The following EYS variants were observed in gnomAD, a reference collection of about 807,000 sequenced individuals.
EYS encodes the protein protein eyes shut homolog.
EYS carries 250 observed loss-of-function variants against 282.1 expected under a neutral mutation model. That is an observed-to-expected ratio of 0.89 (90% CI 0.80 to 0.98). EYS has a LOEUF of 0.98. Among genes scored for constraint, EYS ranks in the 50% least tolerant of loss-of-function variants. The pLI, the probability that EYS is intolerant of heterozygous loss-of-function variation, is 0.00. For synonymous variants in EYS, 1,355 were observed against 1,282.9 expected (o/e 1.06, Z -1.20); for missense variants, 4,016 against 3,709.0 (o/e 1.08, Z -2.15).
In EYS at chr6:65,575,796, GAAAC is replaced by G. The variant is rs1441386018; in HGVS notation, c.-333+63978_-333+63981del. Among the ~76,000 whole-genome samples, 25 of 152,086 alleles carry G rather than the reference GAAAC, an allele frequency of 1.6e-4. No individual in the cohort carries two copies. The South Asian group carries it at 2.1e-3, about 13-fold the overall frequency. ...ATAACACAGAAATATAAAGGATCTT[GAAAC>G]CACTTTAAACAATTATACACCAACA... On this transcript the variant is annotated intron_variant, in intron 2 of 42. Coordinates refer to ENST00000503581, the MANE Select transcript of EYS (RefSeq NM_001142800.2).
chr6:64,055,566 CCTT>C (rs1462251830), intron 33 of EYS, among the ~76,000 whole-genome samples: 8 of 152,018 alleles, frequency 5.3e-5, no homozygotes, highest in Non-Finnish European at 1.2e-4. Flanking sequence ...TATAAAGATT[CCTT>C]CTTTTGTTCT....
At chr6:64,878,231 A>G (rs577480917) in intron 19 of EYS, among the ~76,000 whole-genome samples, 18 of 152,258 alleles carry the variant, frequency 1.2e-4, no homozygotes, top group African/African-American at 4.1e-4. Flanking sequence ...ATCGGAAAAA[A>G]GAAAATATGA....
At chr6:64,025,183 G>T (rs1045657785) in intron 33 of EYS, among the ~76,000 whole-genome samples, 1 of 152,150 alleles carries the variant, frequency 6.6e-6, no homozygotes, top group Non-Finnish European at 1.5e-5. Flanking sequence ...AAAGACACGG[G>T]TGCCAGGCTT....
intron 33 of EYS, among the ~76,000 whole-genome samples, chr6:64,062,181 T>C (rs1344566347): frequency 3.9e-5 from 6 of 152,028 alleles, no homozygotes; most frequent in Admixed American, 2.0e-4. Flanking sequence ...AATTCTAAAT[T>C]TTGCCCAGTT....
At position 63,762,639 on chromosome 6, in the gene EYS, G is replaced by A. The variant is rs1769675063; in HGVS notation, c.7899-6C>T. 1.9e-6 allele frequency: 3 copies of A among 1,548,980 alleles called. No homozygotes were observed. The highest frequency in any genetic ancestry group is 2.6e-6 in the Non-Finnish European group (3 of 1,145,570). On this transcript the variant is annotated splice_polypyrimidine_tract_variant and splice_region_variant and intron_variant, in intron 40 of 42. Coordinates refer to ENST00000503581, the MANE Select transcript of EYS (RefSeq NM_001142800.2). ...ACCCAGTGGTACAATTGCAGCTGTG[G>A]GTTGAGAGAAAGCCGCATGGTTTGA...
At chr6:65,512,149 C>T (rs1323315297) in intron 2 of EYS, among the ~76,000 whole-genome samples, 2 of 152,036 alleles carry the variant, frequency 1.3e-5, no homozygotes, top group Non-Finnish European at 2.9e-5. Flanking sequence ...CACACTTAGA[C>T]ATTACTACCT....
chr6:65,230,437 AG>A (rs1766741118), intron 12 of EYS, among the ~76,000 whole-genome samples: 1 of 151,960 alleles, frequency 6.6e-6, no homozygotes. Context: ...GCATACAATT[AG>A]TTTTCCCCCC....
intron 22 of EYS, among the ~76,000 whole-genome samples, chr6:64,652,875 T>A (rs1055628056): frequency 3.3e-5 from 5 of 152,170 alleles, no homozygotes; most frequent in African/African-American, 1.2e-4. Context: ...AAATTCCGTG[T>A]GTGTGTACAT....
intron 8 of EYS, among the ~76,000 whole-genome samples, chr6:65,372,380 T>C (rs1255160003): frequency 6.6e-6 from 1 of 152,072 alleles, no homozygotes; most frequent in Non-Finnish European, 1.5e-5. Context: ...AATGTGTCAG[T>C]AAATTACTGA....
chr6:64,897,445 G>A (rs548347094), intron 18 of EYS, among the ~76,000 whole-genome samples: 47 of 152,180 alleles, frequency 3.1e-4, no homozygotes, highest in African/African-American at 8.9e-4. Context: ...AACTCCCTCC[G>A]AAGGTTACCA....
At chr6:64,262,236 C>A (rs1582502724) in intron 30 of EYS, among the ~76,000 whole-genome samples, 1 of 151,876 alleles carries the variant, frequency 6.6e-6, no homozygotes, top group African/African-American at 2.4e-5. Flanking sequence ...CCACCCTATC[C>A]CAACACAAAC....
At chr6:64,831,110 A>G (rs999838291) in intron 19 of EYS, among the ~76,000 whole-genome samples, 1 of 151,944 alleles carries the variant, frequency 6.6e-6, no homozygotes, top group Non-Finnish European at 1.5e-5. Flanking sequence ...CCTCGCAGGC[A>G]TTGCTGTTGA....
intron 30 of EYS, among the ~76,000 whole-genome samples, chr6:64,264,538 T>C (rs1016514216): frequency 2.6e-5 from 4 of 152,100 alleles, no homozygotes; most frequent in African/African-American, 7.2e-5. Context: ...CACCATGTCA[T>C]TTCTGCTGAA....
chr6:64,096,654 A>C (rs988891663), intron 31 of EYS, among the ~76,000 whole-genome samples: 1 of 152,110 alleles, frequency 6.6e-6, no homozygotes, highest in Non-Finnish European at 1.5e-5. Context: ...CCATTCGTCT[A>C]ATTTTTTTCC....
intron 35 of EYS, among the ~76,000 whole-genome samples, chr6:63,886,438 G>A (rs1773262166): frequency 6.6e-6 from 1 of 151,662 alleles, no homozygotes; most frequent in Admixed American, 6.6e-5. Context: ...GTATATGTGT[G>A]GCTGCATTCC....
chr6:64,818,385 G>A (rs549320165), intron 21 of EYS, among the ~76,000 whole-genome samples: 19 of 152,052 alleles, frequency 1.2e-4, no homozygotes, highest in Non-Finnish European at 2.2e-4. Flanking sequence ...AGTGTATTAG[G>A]TTTCTCTAGA....
intron 35 of EYS, among the ~76,000 whole-genome samples, chr6:63,969,403 G>A (rs917578727): frequency 6.6e-6 from 1 of 152,164 alleles, no homozygotes; most frequent in African/African-American, 2.4e-5. Flanking sequence ...AAGAGCATGA[G>A]GAATTTTTGT....
intron 12 of EYS, among the ~76,000 whole-genome samples, chr6:65,160,109 C>T (rs1306944248): frequency 6.7e-6 from 1 of 150,340 alleles, no homozygotes; most frequent in Non-Finnish European, 1.5e-5. Flanking sequence ...ATCAGTACAG[C>T]GTTTTTTTTG....
chr6:64,567,183 C>T (rs932072949), intron 26 of EYS, among the ~76,000 whole-genome samples: 9 of 151,854 alleles, frequency 5.9e-5, no homozygotes, highest in Middle Eastern at 3.4e-3. Flanking sequence ...AATGCAATAA[C>T]GCATTTTAGA....
Sources: gnomAD v4.1 joint callset for allele counts (sites outside exome capture counted in the v4.1 genomes callset) on GRCh38, gnomAD v4.1.1 for gene constraint, MANE v1.5 for transcripts, NCBI Gene and HGNC (gene_info 2026-07-23, HGNC 2026-07-21) for gene names.